SLCO2A1: variants seen among roughly 807,000 people sequenced by gnomAD.
SLCO2A1 encodes the protein matrin F/G 1.
Under a neutral mutation model 71.7 loss-of-function variants are expected in SLCO2A1, and 60 were observed. The observed-to-expected ratio is 0.84, with a 90% CI of 0.68 to 1.04. The LOEUF (loss-of-function observed/expected upper bound fraction) is 1.04, where lower values mean the gene tolerates loss of function less well. Ranked by LOEUF, SLCO2A1 falls within the 50% of genes least tolerant of loss-of-function variation. The pLI, the probability that SLCO2A1 is intolerant of heterozygous loss-of-function variation, is 0.00. For missense variants in SLCO2A1, 745 were observed against 813.4 expected (o/e 0.92, Z 1.02); for synonymous variants, 308 against 326.7 (o/e 0.94, Z 0.62).
chr3:133,947,214 G>T, intron 9 of SLCO2A1, 42 bp downstream of exon 9: 3 of 1,535,572 alleles, frequency 2.0e-6, no homozygotes, highest in Non-Finnish European at 2.7e-6. Context: ...TCTAAGCCCT[G>T]GCCTTATTAA....
At chr3:133,950,948 T>C (rs771774103) in intron 6 of SLCO2A1, 33 of 469,564 alleles carry the variant, frequency 7.0e-5, no homozygotes, top group Non-Finnish European at 1.1e-4. Context: ...AGCTCAGTGT[T>C]TCCCAAACTG....
At chr3:133,973,867 G>A in intron 2 of SLCO2A1, 42 bp from the exon 3 acceptor site, 2 of 1,572,088 alleles carry the variant, frequency 1.3e-6, no homozygotes, top group Non-Finnish European at 8.7e-7. Context: ...AAGAGGCCCT[G>A]TCCTCACCCA....
At chr3:133,973,632 C>G (rs766623220) in intron 3 of SLCO2A1, 31 bp downstream of exon 3, 1 of 1,610,854 alleles carries the variant, frequency 6.2e-7, no homozygotes, top group South Asian at 1.1e-5. Flanking sequence ...CCATTCCTTA[C>G]CCCTTGAGGC....
intron 1 of SLCO2A1, among the ~76,000 whole-genome samples, chr3:133,980,179 C>T (rs760090011): frequency 2.0e-4 from 31 of 152,220 alleles, no homozygotes; most frequent in Non-Finnish European, 3.7e-4. Context: ...ATGCAATCCC[C>T]AAAGCACCTG....
chr3:133,981,443 T>C (rs533749193), intron 1 of SLCO2A1, among the ~76,000 whole-genome samples: 193 of 152,290 alleles, frequency 1.3e-3, no homozygotes, highest in African/African-American at 4.0e-3. Context: ...CAATGGTTCA[T>C]AACTCAGCTT....
chr3:133,957,442 A>G (rs1044233554), intron 3 of SLCO2A1, among the ~76,000 whole-genome samples: 14 of 152,202 alleles, frequency 9.2e-5, no homozygotes, highest in Admixed American at 1.3e-4. Context: ...AGACTACATA[A>G]GACCATACCT....
intron 1 of SLCO2A1, among the ~76,000 whole-genome samples, chr3:133,989,032 C>G (rs950024904): frequency 1.3e-5 from 2 of 152,234 alleles, no homozygotes; most frequent in African/African-American, 2.4e-5. Flanking sequence ...CAACCCTCCC[C>G]CTTCCACCAC....
chr3:133,953,881 C>G (rs968918338), intron 4 of SLCO2A1, 120 bp from the exon 5 acceptor site: 1 of 736,212 alleles, frequency 1.4e-6, no homozygotes, highest in African/African-American at 1.7e-5. Flanking sequence ...GCCTGATAAG[C>G]CCACACCTGT....
chr3:133,954,878 G>A (rs1933841924), intron 4 of SLCO2A1, 88 bp downstream of exon 4: 1 of 1,043,192 alleles, frequency 9.6e-7, no homozygotes. Flanking sequence ...AAAGAGGGTG[G>A]GACCTCAGTT....
At chr3:133,974,227 A>G (rs1396398977) in intron 2 of SLCO2A1, among the ~76,000 whole-genome samples, 2 of 152,224 alleles carry the variant, frequency 1.3e-5, no homozygotes, top group Non-Finnish European at 2.9e-5. Flanking sequence ...GTTTGTACCT[A>G]AAGTTTAGGC....
chr3:133,949,042 G>A (rs1040181473), intron 6 of SLCO2A1, 71 bp from the exon 7 acceptor site: 12 of 1,354,814 alleles, frequency 8.9e-6, no homozygotes, highest in Middle Eastern at 1.8e-4. Context: ...GAGCCCTTGA[G>A]TCTCTGGCCT....
At chr3:134,000,037 G>A (rs1935070974) in intron 1 of SLCO2A1, among the ~76,000 whole-genome samples, 1 of 152,222 alleles carries the variant, frequency 6.6e-6, no homozygotes, top group East Asian at 1.9e-4. Context: ...GTCAGGCGGT[G>A]GCAGTGGCCA....
chr3:134,001,828 C>T (rs968141240), intron 1 of SLCO2A1, among the ~76,000 whole-genome samples: 1 of 152,172 alleles, frequency 6.6e-6, no homozygotes, highest in South Asian at 2.1e-4. Flanking sequence ...TTGCTCCTCT[C>T]CTATCAGAAA....
chr3:133,956,468 C>T (rs546594283), intron 3 of SLCO2A1, among the ~76,000 whole-genome samples: 1 of 152,336 alleles, frequency 6.6e-6, no homozygotes, highest in African/African-American at 2.4e-5. Context: ...GCTCCCCCAT[C>T]AGTCAGGGAA....
At chr3:133,977,210 C>T (rs904215376) in intron 2 of SLCO2A1, among the ~76,000 whole-genome samples, 1 of 152,174 alleles carries the variant, frequency 6.6e-6, no homozygotes, top group Non-Finnish European at 1.5e-5. Flanking sequence ...GAGGAGTGAA[C>T]TATCTGATGA....
At chr3:134,020,840 A>G (rs755372663) in intron 1 of SLCO2A1, among the ~76,000 whole-genome samples, 7 of 146,348 alleles carry the variant, frequency 4.8e-5, no homozygotes, top group Non-Finnish European at 1.0e-4. Context: ...GCTTGACAGG[A>G]CTGGTCGTGA....
At chr3:134,028,996 G>GA (rs1935757120) in intron 1 of SLCO2A1, among the ~76,000 whole-genome samples, 1 of 54,974 alleles carries the variant, frequency 1.8e-5, no homozygotes, top group Non-Finnish European at 3.6e-5. Flanking sequence ...CCTGGTGAGT[G>GA]GACCTGCTTA....
At chr3:133,956,566 C>T (rs1933903163) in intron 3 of SLCO2A1, among the ~76,000 whole-genome samples, 1 of 152,234 alleles carries the variant, frequency 6.6e-6, no homozygotes, top group Non-Finnish European at 1.5e-5. Flanking sequence ...TGGAAGGAAG[C>T]ATCCTGGCAA....
In SLCO2A1 at chr3:133,942,728, G is replaced by T. The variant is rs755103592; in HGVS notation, c.1502C>A (p.Ser501Ter). ...NCSCVTGGSA[S>*]AKTGSCPVPC... ...GACAGGGCACGATCCTGTCTTTGCT[G>T]AAGCGGATCCCCCGGTCACACAGCT... The change falls in exon 11 of 14, where the codon TCA becomes TAA. Residue 501 changes from serine (S) to a stop codon, truncating the protein, a stop_gained. Coordinates refer to ENST00000310926, the MANE Select transcript of SLCO2A1 (RefSeq NM_005630.3). LOFTEE classifies it high-confidence loss of function. 3 of 1,611,644 alleles carry T rather than the reference G, an allele frequency of 1.9e-6. No individual in the cohort carries two copies. Among genetic ancestry groups the T allele is most frequent in the Non-Finnish European group, 2.5e-6 (3 of 1,179,042 alleles).
Sources: allele counts gnomAD v4.1 joint callset (sites outside exome capture counted in the v4.1 genomes callset), GRCh38; gene constraint gnomAD v4.1.1; transcripts MANE v1.5; gene names NCBI Gene and HGNC (gene_info 2026-07-23, HGNC 2026-07-21).